ITPKB: variants seen among roughly 807,000 people sequenced by gnomAD.
ITPKB encodes IP3 3-kinase B.
In ITPKB, 13 loss-of-function variants were observed where a neutral mutation model predicts 69.4. The observed-to-expected ratio is 0.19, with a 90% CI of 0.12 to 0.30. The LOEUF is 0.30. ITPKB is among the 10% of genes least tolerant of loss of function. ITPKB has a pLI of 1.00. For missense variants in ITPKB, 1,240 were observed against 1,250.5 expected, an observed-to-expected ratio of 0.99 and a Z score of 0.13; for synonymous variants, 584 against 513.7, an observed-to-expected ratio of 1.14 and a Z score of -1.85.
intron 2 of ITPKB, among the ~76,000 whole-genome samples, chr1:226,699,918 T>C (rs993633739): frequency 6.6e-6 from 1 of 152,180 alleles, no homozygotes; most frequent in African/African-American, 2.4e-5. Context: ...CAAGGAGAGC[T>C]GGTCCAAGTC....
rs557522843 is a variant in ITPKB at position 226,664,742 on chromosome 1, C to T, written c.1933-15971G>A. ...TTCAGGCAGTCGTCATTTGAATCTT[C>T]GGAAAAGGAAGCGAGCCGATAAACT... On this transcript the variant is annotated intron_variant, in intron 2 of 7. Coordinates refer to ENST00000429204, the MANE Select transcript of ITPKB (RefSeq NM_002221.4). Among the ~76,000 whole-genome samples the T allele has an allele frequency of 2.8e-4, 42 of 152,290 alleles. No individual in the cohort carries two copies. The South Asian group carries it at 5.0e-3, about 18-fold the overall frequency.
chr1:226,734,813 T>C (rs1657697042), intron 2 of ITPKB, among the ~76,000 whole-genome samples: 1 of 152,174 alleles, frequency 6.6e-6, no homozygotes, highest in Non-Finnish European at 1.5e-5. Flanking sequence ...GTACATCCAT[T>C]AGGAGGTACC....
chr1:226,687,620 G>C (rs1467038248), intron 2 of ITPKB, among the ~76,000 whole-genome samples: 2 of 152,218 alleles, frequency 1.3e-5, no homozygotes, highest in Non-Finnish European at 2.9e-5. Context: ...TGGCAAAACT[G>C]AGGGGTTCCA....
chr1:226,655,385 G>A lies in ITPKB; in HGVS notation c.1933-6614C>T, dbSNP rs890570704. Reference sequence around the variant, plus strand: ...GCCTCCTGGGGAGGAAATGGCCCCCGTTAGGAGACAGCAGGTGACCCCAGG... The same window carrying A: ...GCCTCCTGGGGAGGAAATGGCCCCCATTAGGAGACAGCAGGTGACCCCAGG... On this transcript the variant is annotated intron_variant, in intron 2 of 7. Transcript: ENST00000429204. Among the ~76,000 whole-genome samples, 8 of 152,318 alleles carry A rather than the reference G, an allele frequency of 5.3e-5. No individual in the cohort carries two copies. In the East Asian group the frequency reaches 1.4e-3, roughly 26 times the overall value.
intron 4 of ITPKB, among the ~76,000 whole-genome samples, chr1:226,644,502 G>A: frequency 6.6e-6 from 1 of 152,216 alleles, no homozygotes; most frequent in East Asian, 1.9e-4. Flanking sequence ...GCACTCCCCA[G>A]GCCCCTGGTC....
chr1:226,705,556 A>G (rs1441626438), intron 2 of ITPKB, among the ~76,000 whole-genome samples: 1 of 151,920 alleles, frequency 6.6e-6, no homozygotes, highest in African/African-American at 2.4e-5. Context: ...AATGATGTCA[A>G]AGCTTCTGAT....
rs57488039 is a variant in ITPKB at position 226,649,853 on chromosome 1, C to CAA, written c.1933-1084_1933-1083dup. Among the ~76,000 whole-genome samples the CAA allele has an allele frequency of 2.4e-3, 332 of 141,040 alleles. 1 individual carries two copies. Among genetic ancestry groups the CAA allele is most frequent in the African/African-American group, 7.6e-3 (289 of 38,064 alleles). The allele number at this position is 141,040 out of a possible 152,430, so 92.5% of individuals were successfully genotyped here. A position where few individuals can be genotyped will look rare whatever the true frequency, so the allele number is the denominator to read the frequency against. On this transcript the variant is annotated intron_variant, in intron 2 of 7. Transcript: ENST00000429204. ...AAACAAACAAAACAAAACAAAAAAACAAAAAAAAAACATATTTTTAGAAAA... is the reference window on the plus strand; with the variant it reads ...AAACAAACAAAACAAAACAAAAAAACAAAAAAAAAAAACATATTTTTAGAAAA...
rs41268733 is a variant in ITPKB, at chr1:226,634,679, G to C, written c.2833C>G (p.Leu945Val). The C allele has an allele frequency of 1.9e-3, 1,578 of 826,106 alleles. 6 individuals are homozygous for C. Among genetic ancestry groups the C allele is most frequent in the South Asian group, 3.5e-3 (267 of 75,426 alleles). 51.2% of individuals were successfully genotyped at this position (826,106 alleles called of 1,614,324 possible). ...GGGAGGGCGTGGGCAGCTCAGGCGAGTGGGGCATCCTGGGACATCTCGGTC... is the reference window on the plus strand; with the variant it reads ...GGGAGGGCGTGGGCAGCTCAGGCGACTGGGGCATCCTGGGACATCTCGGTC... ...ILTEMSQDAP[L>V]A The change falls in exon 8 of 8, where the codon CTC becomes GTC. Residue 945 changes from leucine (L) to valine (V), a missense_variant. By Grantham distance (32) the Leu-to-Val change is conservative (BLOSUM62 1). Around this residue, in one of 2 missense-constraint regions of ITPKB, gnomAD observed 248 missense variants for 396.7 expected, o/e 0.63. Coordinates refer to ENST00000429204, the MANE Select transcript of ITPKB (RefSeq NM_002221.4). This position sits in a 1 kb window ranked among gnomAD's most constrained non-coding sequence, Gnocchi z 6.3.
At chr1:226,661,556 T>C (rs1162152359) in intron 2 of ITPKB, among the ~76,000 whole-genome samples, 2 of 152,228 alleles carry the variant, frequency 1.3e-5, no homozygotes, top group African/African-American at 4.8e-5. Flanking sequence ...TAAACTGAGA[T>C]TTAGATCCTG....
intron 2 of ITPKB, among the ~76,000 whole-genome samples, chr1:226,649,598 C>T (rs1474263762): frequency 2.6e-5 from 4 of 151,276 alleles, no homozygotes; most frequent in African/African-American, 4.9e-5. Flanking sequence ...CATGTGTGTG[C>T]GTGCATGTGT....
At chr1:226,646,987 C>T (rs967741952) in intron 4 of ITPKB, among the ~76,000 whole-genome samples, 180 bp downstream of exon 4, 1 of 152,358 alleles carries the variant, frequency 6.6e-6, no homozygotes, top group South Asian at 2.1e-4. Flanking sequence ...GCCCAGGTCC[C>T]GGAACCCTCT....
chr1:226,676,490 T>C (rs1669737937), intron 2 of ITPKB: 1 of 152,250 alleles, frequency 6.6e-6, no homozygotes, highest in Non-Finnish European at 1.5e-5. Context: ...TGACCTTGAC[T>C]AGGCCACCCA....
chr1:226,710,586 G>A (rs770975448), intron 2 of ITPKB, among the ~76,000 whole-genome samples: 3 of 152,172 alleles, frequency 2.0e-5, no homozygotes. Flanking sequence ...CCAGGTGCTG[G>A]GCCAGGAGCA....
At chr1:226,647,091 C>T in intron 4 of ITPKB, 76 bp downstream of exon 4, 1 of 1,396,950 alleles carries the variant, frequency 7.2e-7, no homozygotes, top group Non-Finnish European at 1.0e-6. Flanking sequence ...TCCGGGAAGC[C>T]CTGAGTGCCA....
At chr1:226,657,101 A>G (rs1001483160) in intron 2 of ITPKB, 1 of 152,272 alleles carries the variant, frequency 6.6e-6, no homozygotes, top group Non-Finnish European at 1.5e-5. Context: ...TCCCATGCCC[A>G]TCGCAGCTCC....
At chr1:226,638,232 G>T (rs1372236011) in intron 6 of ITPKB, among the ~76,000 whole-genome samples, 1 of 152,222 alleles carries the variant, frequency 6.6e-6, no homozygotes, top group Non-Finnish European at 1.5e-5. Flanking sequence ...CATGTTCCAT[G>T]GTGGCCACTG....
intron 3 of ITPKB, among the ~76,000 whole-genome samples, chr1:226,648,144 C>A (rs2102745686): frequency 6.6e-6 from 1 of 152,356 alleles, no homozygotes; most frequent in South Asian, 2.1e-4. Flanking sequence ...TTCCTCCCAA[C>A]ACCGCACACC....
chr1:226,639,891 G>A (rs2102739615), intron 5 of ITPKB, among the ~76,000 whole-genome samples: 1 of 152,328 alleles, frequency 6.6e-6, no homozygotes, highest in East Asian at 1.9e-4. Context: ...ACATCCCCAG[G>A]CGAGTGAACA....
At chr1:226,681,586 A>G (rs1422860384) in intron 2 of ITPKB, among the ~76,000 whole-genome samples, 1 of 152,218 alleles carries the variant, frequency 6.6e-6, no homozygotes, top group Non-Finnish European at 1.5e-5. Context: ...AAAAATACCT[A>G]TATTGAGGTA....
Sources: allele counts gnomAD v4.1 joint callset (sites outside exome capture counted in the v4.1 genomes callset), GRCh38; gene constraint gnomAD v4.1.1; regional missense constraint gnomAD v4.1.1; non-coding constraint Gnocchi (gnomAD v3.1); transcripts MANE v1.5; gene names NCBI Gene and HGNC (gene_info 2026-07-23, HGNC 2026-07-21).